Variants in FCHSD2 observed in about 807,000 individuals in gnomAD.
FCHSD2 encodes FCH and double SH3 domains 2, also known as F-BAR and double SH3 domains protein 2.
Under a neutral mutation model 108.1 loss-of-function variants are expected in FCHSD2, and 38 were observed. That is an observed-to-expected ratio of 0.35 (90% CI 0.27 to 0.46). FCHSD2 has a LOEUF of 0.46. Ranked by LOEUF, FCHSD2 falls within the 20% of genes least tolerant of loss-of-function variation. The pLI, the probability that FCHSD2 is intolerant of heterozygous loss-of-function variation, is 1.00. For synonymous variants in FCHSD2, 279 were observed against 314.7 expected, an observed-to-expected ratio of 0.89 and a Z score of 1.20; for missense variants, 751 against 897.8, an observed-to-expected ratio of 0.84 and a Z score of 2.09.
At chr11:72,906,464 C>A (rs1158680309) in intron 9 of FCHSD2, among the ~76,000 whole-genome samples, 1 of 152,088 alleles carries the variant, frequency 6.6e-6, no homozygotes, top group East Asian at 1.9e-4. Flanking sequence ...TTTTTGTTGC[C>A]ATTGCTTTCG....
In FCHSD2 at chr11:72,907,696, T is replaced by C. The variant is rs1401572159; in HGVS notation, c.829-5058A>G. Among the ~76,000 whole-genome samples, 3 of 138,366 alleles carry C rather than the reference T, an allele frequency of 2.2e-5. No individual in the cohort carries two copies. In the East Asian group the frequency reaches 7.4e-4, roughly 34 times the overall value. The allele number at this position is 138,366 out of a possible 152,430, so 90.8% of individuals were successfully genotyped here. A position where few individuals can be genotyped will look rare whatever the true frequency, so the allele number is the denominator to read the frequency against. ...ACCTCCACCTCCCAGGTTCATGCCATACTCCTGCCTCAGCCTCTCGAGTAG... is the reference window on the plus strand; with the variant it reads ...ACCTCCACCTCCCAGGTTCATGCCACACTCCTGCCTCAGCCTCTCGAGTAG... On this transcript the variant is annotated intron_variant, in intron 9 of 19. Transcript: ENST00000409418.
chr11:73,036,007 C>T (rs1858488119), intron 3 of FCHSD2, among the ~76,000 whole-genome samples: 2 of 152,238 alleles, frequency 1.3e-5, no homozygotes, highest in South Asian at 2.1e-4. Flanking sequence ...GCGTGAGCCA[C>T]CACTCCTCGC....
chr11:72,946,160 T>G (rs946156219), intron 8 of FCHSD2, among the ~76,000 whole-genome samples: 2 of 152,062 alleles, frequency 1.3e-5, no homozygotes, highest in African/African-American at 2.4e-5. Context: ...TGTCCAACAA[T>G]GATAGACTGG....
chr11:72,883,184 G>T (rs1303189902), intron 12 of FCHSD2, among the ~76,000 whole-genome samples: 4 of 152,118 alleles, frequency 2.6e-5, no homozygotes, highest in African/African-American at 9.7e-5. Flanking sequence ...AACTAGAAAT[G>T]TTTAGGACCA....
At chr11:72,998,703 A>C (rs1180997896) in intron 5 of FCHSD2, among the ~76,000 whole-genome samples, 1 of 152,210 alleles carries the variant, frequency 6.6e-6, no homozygotes, top group Non-Finnish European at 1.5e-5. Context: ...AAAATTGATA[A>C]TAAAAAATAT....
chr11:72,889,182 C>T (rs1368009337), intron 11 of FCHSD2, among the ~76,000 whole-genome samples: 3 of 148,694 alleles, frequency 2.0e-5, no homozygotes, highest in Non-Finnish European at 4.5e-5. Flanking sequence ...AGGATGGTCT[C>T]GATCTCCTGA....
chr11:72,868,922 T>C (rs1342845016), intron 12 of FCHSD2, among the ~76,000 whole-genome samples: 2 of 152,150 alleles, frequency 1.3e-5, no homozygotes, highest in Non-Finnish European at 2.9e-5. Flanking sequence ...TTTTTATTTT[T>C]TTGAGATGGA....
intron 8 of FCHSD2, among the ~76,000 whole-genome samples, chr11:72,980,734 GTATATATGTGTGTGTA>G (rs1463454072): frequency 6.7e-6 from 1 of 148,992 alleles, no homozygotes; most frequent in Non-Finnish European, 1.5e-5. Context: ...GTATATATAT[GTATATATGTGTGTGTA>G]TATATATGTG....
At chr11:73,119,020 G>A (rs1279081927) in intron 2 of FCHSD2, among the ~76,000 whole-genome samples, 1 of 151,998 alleles carries the variant, frequency 6.6e-6, no homozygotes, top group Admixed American at 6.6e-5. Flanking sequence ...ATTCTCTAAA[G>A]GCCAGGCGCG....
rs561932617 is a variant in FCHSD2, at chr11:72,916,594, C to T, written c.828+5234G>A. ...CCTTCCAAAGTATTGGGATTACAAG[C>T]GTGAGCCACTGTGCCCAGCCTCCTT... On this transcript the variant is annotated intron_variant, in intron 9 of 19. Coordinates refer to ENST00000409418, the MANE Select transcript of FCHSD2 (RefSeq NM_014824.3). Among the ~76,000 whole-genome samples the T allele has an allele frequency of 1.8e-4, 27 of 152,254 alleles. No homozygotes were observed. The East Asian group carries it at 4.0e-3, about 23-fold the overall frequency.
At chr11:72,994,168 ATT>A (rs1857477053) in intron 5 of FCHSD2, among the ~76,000 whole-genome samples, 1 of 152,164 alleles carries the variant, frequency 6.6e-6, no homozygotes, top group Non-Finnish European at 1.5e-5. Context: ...TGGGAGAATT[ATT>A]TCCATTAATG....
At position 72,870,149 on chromosome 11, in the gene FCHSD2, G is replaced by A. The variant is rs764319167; in HGVS notation, c.1147-2123C>T. 3.7e-4 allele frequency among the ~76,000 whole-genome samples: 57 copies of A among 152,046 alleles called. 1 individual carries two copies. The highest frequency in any genetic ancestry group is 3.3e-4 in the Admixed American group (5 of 15,260). ...GTGAGTGCTTATCTTTTGACGGTCCGTTCAAATATTACCCTTTCCACAAAG... is the reference window on the plus strand; with the variant it reads ...GTGAGTGCTTATCTTTTGACGGTCCATTCAAATATTACCCTTTCCACAAAG... On this transcript the variant is annotated intron_variant, in intron 12 of 19. Coordinates refer to ENST00000409418, the MANE Select transcript of FCHSD2 (RefSeq NM_014824.3).
intron 2 of FCHSD2, among the ~76,000 whole-genome samples, chr11:73,093,798 T>C (rs964314210): frequency 6.6e-6 from 1 of 151,864 alleles, no homozygotes; most frequent in African/African-American, 2.4e-5. Context: ...AGAGACAGGG[T>C]TCTTCCACGT....
intron 2 of FCHSD2, among the ~76,000 whole-genome samples, chr11:73,131,882 T>C (rs1304351181): frequency 1.3e-5 from 2 of 152,194 alleles, no homozygotes; most frequent in Admixed American, 6.5e-5. Context: ...GTTTAGCATA[T>C]GCATAATAAA....
At chr11:73,020,140 C>T (rs1858067452) in intron 3 of FCHSD2, among the ~76,000 whole-genome samples, 1 of 152,170 alleles carries the variant, frequency 6.6e-6, no homozygotes, top group Non-Finnish European at 1.5e-5. Context: ...TTTTAAAAAG[C>T]CATCAGTGTC....
At chr11:72,910,946 T>C (rs186347933) in intron 9 of FCHSD2, among the ~76,000 whole-genome samples, 1 of 152,314 alleles carries the variant, frequency 6.6e-6, no homozygotes, top group African/African-American at 2.4e-5. Flanking sequence ...CTGTGGGTTG[T>C]TGCTTCACTT....
intron 2 of FCHSD2, among the ~76,000 whole-genome samples, chr11:73,128,633 C>T (rs1475543010): frequency 6.6e-6 from 1 of 152,296 alleles, no homozygotes; most frequent in South Asian, 2.1e-4. Flanking sequence ...AATTGTCCTG[C>T]TCTCCTCTTC....
intron 13 of FCHSD2, among the ~76,000 whole-genome samples, chr11:72,856,147 G>C (rs900543381): frequency 6.6e-6 from 1 of 152,162 alleles, no homozygotes; most frequent in Non-Finnish European, 1.5e-5. Flanking sequence ...ACTGTATGTA[G>C]AAAACTACGC....
At chr11:72,934,063 C>A (rs1001986712) in intron 8 of FCHSD2, among the ~76,000 whole-genome samples, 4 of 131,480 alleles carry the variant, frequency 3.0e-5, no homozygotes, top group Admixed American at 8.5e-5. Flanking sequence ...GAGCCATGAT[C>A]GCGCCACTAC....
Sources: gnomAD v4.1 joint callset for allele counts (sites outside exome capture counted in the v4.1 genomes callset) on GRCh38, gnomAD v4.1.1 for gene constraint, MANE v1.5 for transcripts, NCBI Gene and HGNC (gene_info 2026-07-23, HGNC 2026-07-21) for gene names.